EPHB2: variants seen among roughly 807,000 people sequenced by gnomAD.
The protein encoded by EPHB2 is EPH receptor B2.
Under a neutral mutation model 96.4 loss-of-function variants are expected in EPHB2, and 18 were observed. That is an observed-to-expected ratio of 0.19 (90% CI 0.13 to 0.28). The LOEUF (loss-of-function observed/expected upper bound fraction) is 0.28. Ranked by LOEUF, EPHB2 falls within the 10% of genes least tolerant of loss-of-function variation. The pLI is 1.00. For synonymous variants in EPHB2, 506 were observed against 534.1 expected (o/e 0.95, Z 0.72); for missense variants, 989 against 1,355.4 (o/e 0.73, Z 4.25).
intron 1 of EPHB2, among the ~76,000 whole-genome samples, chr1:22,731,466 TCA>T (rs1384578616): frequency 1.3e-5 from 2 of 152,216 alleles, no homozygotes; most frequent in East Asian, 3.8e-4. Flanking sequence ...TCTTGGAACC[TCA>T]GTTTCCTTAT....
chr1:22,732,656 C>T (rs911477665), intron 1 of EPHB2, among the ~76,000 whole-genome samples: 1 of 152,146 alleles, frequency 6.6e-6, no homozygotes, highest in Non-Finnish European at 1.5e-5. Flanking sequence ...GGACTGCCCC[C>T]CGGCCCCGCT....
rs990634524 is a variant in EPHB2, at chr1:22,858,981, C to A, written c.812-4056C>A. Among the ~76,000 whole-genome samples the A allele has an allele frequency of 7.9e-5, 12 of 152,034 alleles. No homozygotes were observed. The highest frequency in any genetic ancestry group is 1.8e-4 in the Non-Finnish European group (12 of 68,008). The stretch of plus-strand genomic sequence containing the variant: ...AAGTAATTAAAATAGGCACTGTATA[C>A]AAAAAAATTAGCCCGGCGTGGTGGT... On this transcript the variant is annotated intron_variant, in intron 3 of 15. Coordinates refer to ENST00000374630, the MANE Select transcript of EPHB2 (RefSeq NM_017449.5). The surrounding 1 kb of genome is among the most constrained non-coding windows in gnomAD (Gnocchi z 7.7).
At chr1:22,775,067 C>A in intron 1 of EPHB2, 2 of 689,878 alleles carry the variant, frequency 2.9e-6, no homozygotes, top group Non-Finnish European at 5.4e-6. Context: ...CCTTGCTATT[C>A]TCACACAGGC....
chr1:22,895,387 C>A, intron 7 of EPHB2, 85 bp from the exon 8 acceptor site: 1 of 1,299,870 alleles, frequency 7.7e-7, no homozygotes, highest in Non-Finnish European at 1.1e-6. Flanking sequence ...CCCAGGAGAC[C>A]CAGCAGCATG....
At chr1:22,869,638 G>A (rs779887797) in intron 5 of EPHB2, among the ~76,000 whole-genome samples, 1 of 152,096 alleles carries the variant, frequency 6.6e-6, no homozygotes, top group Non-Finnish European at 1.5e-5. Flanking sequence ...CTGGAGGGAG[G>A]GATTCTTCTT....
At position 22,784,995 on chromosome 1, in the gene EPHB2, G is replaced by T. The variant is rs901860207; in HGVS notation, c.730G>T (p.Asp244Tyr). 4 of 1,613,948 alleles carry T rather than the reference G, an allele frequency of 2.5e-6. No homozygotes were observed. The highest frequency in any genetic ancestry group is 3.4e-6 in the Non-Finnish European group (4 of 1,180,064). Residue 244 changes from aspartate to tyrosine, a missense_variant, in exon 3 of 16, where the codon GAC becomes TAC. By Grantham distance (160) the Asp-to-Tyr change is radical. Coordinates refer to ENST00000374630, the MANE Select transcript of EPHB2 (RefSeq NM_017449.5). This position sits in a 1 kb window ranked among gnomAD's most constrained non-coding sequence, Gnocchi z 5.1. ...DVPIKLYCNG[D>Y]GEWLVPIGRC... ...ACCCATCAAGCTCTACTGTAACGGG[G>T]ACGGCGAGTGGCTGGTGCCCATCGG...
intron 1 of EPHB2, among the ~76,000 whole-genome samples, chr1:22,768,796 C>CCCGGCCTTTGTACATTCT (rs1229161820): frequency 1.6e-3 from 6 of 3,794 alleles, no homozygotes; most frequent in Admixed American, 0.014. Flanking sequence ...ATCATTCTCT[C>CCCGGCCTTTGTACATTCT]CTCCCGGCCT....
intron 15 of EPHB2, 95 bp downstream of exon 15, chr1:22,912,694 C>T: frequency 2.5e-6 from 4 of 1,576,876 alleles, no homozygotes; most frequent in Non-Finnish European, 3.4e-6. Flanking sequence ...AGGAATAGAT[C>T]ATGTCCCAAT....
intron 3 of EPHB2, among the ~76,000 whole-genome samples, chr1:22,808,112 C>A (rs565273426): frequency 1.3e-5 from 2 of 149,396 alleles, no homozygotes; most frequent in Admixed American, 6.6e-5. Context: ...CCAGCCTGGC[C>A]GGCAGAGCAA....
intron 5 of EPHB2, among the ~76,000 whole-genome samples, chr1:22,869,146 G>A (rs1164144101): frequency 1.3e-5 from 2 of 151,558 alleles, no homozygotes; most frequent in African/African-American, 4.9e-5. Flanking sequence ...CAGCTGCTCA[G>A]AGCCCAGCTG....
At chr1:22,751,266 G>A (rs911920416) in intron 1 of EPHB2, among the ~76,000 whole-genome samples, 9 of 152,150 alleles carry the variant, frequency 5.9e-5, no homozygotes, top group Admixed American at 1.3e-4. Flanking sequence ...AGATGGGAGC[G>A]CTCACCTGCC....
At chr1:22,834,103 G>A (rs1645345785) in intron 3 of EPHB2, among the ~76,000 whole-genome samples, 1 of 151,790 alleles carries the variant, frequency 6.6e-6, no homozygotes, top group South Asian at 2.1e-4. Flanking sequence ...GATCCAATTG[G>A]TGGGATATTT....
intron 1 of EPHB2, among the ~76,000 whole-genome samples, chr1:22,731,477 A>G (rs1312520018): frequency 2.6e-5 from 4 of 152,178 alleles, no homozygotes; most frequent in African/African-American, 9.7e-5. Context: ...CAGTTTCCTT[A>G]TCTGTCAAAT....
chr1:22,831,629 A>G (rs10753545), intron 3 of EPHB2, among the ~76,000 whole-genome samples: 79,669 of 151,638 alleles, frequency 0.53, 21,953 homozygotes, highest in African/African-American at 0.7. Flanking sequence ...TTCCAAATTC[A>G]GAGCCTTAAC....
Position 22,864,868 on chromosome 1 carries a change from C to T in EPHB2, c.968-9C>T. On this transcript the variant is annotated splice_polypyrimidine_tract_variant and intron_variant, in intron 4 of 15. Coordinates refer to ENST00000374630, the MANE Select transcript of EPHB2 (RefSeq NM_017449.5). ...CCCCCCACTGACCAACACCTCTCCC[C>T]CGCCCCAGCCATCCCCTCCGCGCCC... is the stretch of plus-strand genomic sequence containing the variant. 1 of 1,597,448 alleles carries T rather than the reference C, an allele frequency of 6.3e-7. No individual in the cohort carries two copies. Among genetic ancestry groups the T allele is most frequent in the Non-Finnish European group, 8.5e-7 (1 of 1,171,250 alleles).
At chr1:22,754,897 GA>G (rs1419888957) in intron 1 of EPHB2, among the ~76,000 whole-genome samples, 2 of 81,636 alleles carry the variant, frequency 2.4e-5, no homozygotes, top group African/African-American at 4.9e-5. Flanking sequence ...GCGAGGGGCA[GA>G]GGAGGTGAGG....
intron 1 of EPHB2, among the ~76,000 whole-genome samples, chr1:22,754,556 A>G (rs747301488): frequency 1.3e-4 from 19 of 151,272 alleles, no homozygotes; most frequent in Non-Finnish European, 2.5e-4. Context: ...GAGGGAGGAA[A>G]AGGTGGCGCG....
intron 1 of EPHB2, among the ~76,000 whole-genome samples, chr1:22,750,809 G>T (rs900218605): frequency 1.3e-5 from 2 of 152,184 alleles, no homozygotes; most frequent in Admixed American, 6.5e-5. Flanking sequence ...TATGAGACAG[G>T]TGCTATTATC....
At chr1:22,801,988 C>T (rs185120241) in intron 3 of EPHB2, among the ~76,000 whole-genome samples, 94 of 152,310 alleles carry the variant, frequency 6.2e-4, no homozygotes, top group African/African-American at 2.0e-3. Flanking sequence ...CTGCAAGCAG[C>T]GCGGGGCCTG....
Sources: allele counts gnomAD v4.1 joint callset (sites outside exome capture counted in the v4.1 genomes callset), GRCh38; gene constraint gnomAD v4.1.1; non-coding constraint Gnocchi (gnomAD v3.1); transcripts MANE v1.5; gene names NCBI Gene and HGNC (gene_info 2026-07-23, HGNC 2026-07-21).